ALK: variants seen among roughly 807,000 people sequenced by gnomAD.
The protein encoded by ALK is ALK tyrosine kinase receptor.
Under a neutral mutation model 163.1 loss-of-function variants are expected in ALK, and 74 were observed. That is an observed-to-expected ratio of 0.45 (90% CI 0.38 to 0.55). The LOEUF (loss-of-function observed/expected upper bound fraction) is 0.55. Among genes scored for constraint, ALK ranks in the 20% least tolerant of loss-of-function variants. The pLI is 0.00. For missense variants in ALK, 2,063 were observed against 2,105.3 expected, an observed-to-expected ratio of 0.98 and a Z score of 0.39; for synonymous variants, 960 against 843.2, an observed-to-expected ratio of 1.14 and a Z score of -2.40.
intron 5 of ALK, among the ~76,000 whole-genome samples, chr2:29,341,974 T>A (rs1667806058): frequency 6.6e-6 from 1 of 152,210 alleles, no homozygotes; most frequent in African/African-American, 2.4e-5. Flanking sequence ...GAAGGAAAAC[T>A]GGATGATAGG....
intron 3 of ALK, among the ~76,000 whole-genome samples, chr2:29,647,307 G>C (rs548780432): frequency 1.8e-4 from 28 of 152,202 alleles, no homozygotes; most frequent in African/African-American, 6.7e-4. Flanking sequence ...GTAGAACTCT[G>C]GGCATTCAGT....
intron 8 of ALK, among the ~76,000 whole-genome samples, chr2:29,303,725 C>T (rs1336834276): frequency 5.9e-5 from 9 of 152,160 alleles, no homozygotes; most frequent in Admixed American, 2.6e-4. Context: ...AAGTCATGTC[C>T]TTTGCAGCAA....
At chr2:29,293,135 C>T (rs773521478) in intron 9 of ALK, among the ~76,000 whole-genome samples, 43 of 152,304 alleles carry the variant, frequency 2.8e-4, no homozygotes, top group Non-Finnish European at 4.9e-4. Flanking sequence ...TGATGGGACA[C>T]AGGTGTTGCT....
At chr2:29,432,150 G>A (rs1670287012) in intron 4 of ALK, among the ~76,000 whole-genome samples, 1 of 152,130 alleles carries the variant, frequency 6.6e-6, no homozygotes, top group African/African-American at 2.4e-5. Context: ...TACTTTGGAT[G>A]TTTTGTCCCC....
intron 3 of ALK, among the ~76,000 whole-genome samples, chr2:29,555,044 G>A (rs1673810597): frequency 6.6e-6 from 1 of 152,094 alleles, no homozygotes; most frequent in Non-Finnish European, 1.5e-5. Flanking sequence ...CTTAAAAAAG[G>A]GCAACAGCAG....
intron 6 of ALK, among the ~76,000 whole-genome samples, chr2:29,327,292 A>T (rs1392707703): frequency 6.6e-6 from 1 of 152,312 alleles, no homozygotes; most frequent in Middle Eastern, 3.4e-3. Flanking sequence ...GTCAGTAAGC[A>T]CAGACGCTGT....
chr2:29,741,891 G>T (rs1041951033), intron 1 of ALK, among the ~76,000 whole-genome samples: 2 of 152,212 alleles, frequency 1.3e-5, no homozygotes, highest in African/African-American at 4.8e-5. Context: ...GGGTCAAGAA[G>T]AGGAGCTGGG....
intron 26 of ALK, among the ~76,000 whole-genome samples, chr2:29,200,836 T>C (rs142484412): frequency 7.0e-6 from 1 of 143,498 alleles, no homozygotes; most frequent in African/African-American, 2.6e-5. Context: ...CGTATATATA[T>C]GTGTGTGTAT....
chr2:29,360,690 T>C (rs553048096), intron 5 of ALK, among the ~76,000 whole-genome samples: 28 of 152,258 alleles, frequency 1.8e-4, no homozygotes, highest in African/African-American at 6.7e-4. Flanking sequence ...TAACTAGGAA[T>C]TGTGGTGAAG....
chr2:29,346,281 T>C (rs1057125802), intron 5 of ALK, among the ~76,000 whole-genome samples: 2 of 152,160 alleles, frequency 1.3e-5, no homozygotes, highest in African/African-American at 4.8e-5. Context: ...GAGGATTGCG[T>C]CTATTTTCAG....
intron 4 of ALK, among the ~76,000 whole-genome samples, chr2:29,392,656 G>C (rs1191165866): frequency 1.3e-5 from 2 of 152,208 alleles, no homozygotes; most frequent in African/African-American, 2.4e-5. Flanking sequence ...AGGAGACGAA[G>C]AGTCTACCTC....
intron 2 of ALK, among the ~76,000 whole-genome samples, chr2:29,703,541 G>A (rs1678809785): frequency 6.6e-6 from 1 of 152,194 alleles, no homozygotes; most frequent in South Asian, 2.1e-4. Flanking sequence ...GGCTTAAGAT[G>A]ATGAGGCATG....
intron 1 of ALK, among the ~76,000 whole-genome samples, chr2:29,895,172 GC>G (rs1419085054): frequency 2.0e-5 from 3 of 152,302 alleles, no homozygotes; most frequent in Non-Finnish European, 4.4e-5. Flanking sequence ...ACACACAAGG[GC>G]CGCTGGTTGA....
At chr2:29,506,201 AG>A (rs1237816297) in intron 4 of ALK, among the ~76,000 whole-genome samples, 1 of 152,224 alleles carries the variant, frequency 6.6e-6, no homozygotes, top group East Asian at 1.9e-4. Context: ...TTCTCAGATC[AG>A]GGATCAAACT....
intron 1 of ALK, among the ~76,000 whole-genome samples, chr2:29,884,760 A>C (rs2148420685): frequency 6.6e-6 from 1 of 152,356 alleles, no homozygotes; most frequent in African/African-American, 2.4e-5. Context: ...TCAAGATAAC[A>C]GGGAAGCAGC....
chr2:29,332,524 C>G (rs999726722), intron 5 of ALK, among the ~76,000 whole-genome samples: 13 of 151,968 alleles, frequency 8.6e-5, no homozygotes, highest in Non-Finnish European at 1.5e-4. Context: ...TCAAAAGAAA[C>G]AAAGAAAATG....
At chr2:29,645,565 G>C (rs1676848942) in intron 3 of ALK, among the ~76,000 whole-genome samples, 1 of 152,110 alleles carries the variant, frequency 6.6e-6, no homozygotes, top group African/African-American at 2.4e-5. Flanking sequence ...CTTTACAAAT[G>C]AGAAGACTGG....
intron 1 of ALK, among the ~76,000 whole-genome samples, chr2:29,861,297 T>C (rs1666284610): frequency 6.6e-6 from 1 of 151,182 alleles, no homozygotes; most frequent in Non-Finnish European, 1.5e-5. Context: ...ATAACAAATA[T>C]CAGAACAGAA....
At chr2:29,859,679 A>C (rs558885229) in intron 1 of ALK, among the ~76,000 whole-genome samples, 1 of 152,158 alleles carries the variant, frequency 6.6e-6, no homozygotes, top group East Asian at 1.9e-4. Context: ...AAGAGGGAAA[A>C]CATCACACAT....
Sources: allele counts gnomAD v4.1 joint callset (sites outside exome capture counted in the v4.1 genomes callset), GRCh38; gene constraint gnomAD v4.1.1; transcripts MANE v1.5; gene names NCBI Gene and HGNC (gene_info 2026-07-23, HGNC 2026-07-21).